The following MAGEB10 variants were observed in gnomAD, a reference collection of about 807,000 sequenced individuals.
The protein encoded by MAGEB10 is melanoma-associated antigen B10.
For missense variants in MAGEB10, 190 were observed against 261.9 expected, an observed-to-expected ratio of 0.73 and a Z score of 1.89; for synonymous variants, 99 against 101.0, an observed-to-expected ratio of 0.98 and a Z score of 0.12.
At chrX:27,812,810 T>C (rs144586925) in intron 1 of MAGEB10, 23 of 331,830 alleles carry the variant, frequency 6.9e-5, no homozygotes, top group African/African-American at 5.5e-4. Flanking sequence ...ATGAAGAGGC[T>C]TTGAAAGATG....
chrX:27,815,602 G>A (rs1403128371), intron 1 of MAGEB10, among the ~76,000 whole-genome samples: 1 of 112,197 alleles, frequency 8.9e-6, no homozygotes, highest in East Asian at 2.8e-4. Flanking sequence ...TAAGTGAATG[G>A]TGAAAATATC....
chrX:27,814,225 C>G (rs1037237735), intron 1 of MAGEB10, among the ~76,000 whole-genome samples: 1 of 111,236 alleles, frequency 9.0e-6, no homozygotes, highest in African/African-American at 3.3e-5. Flanking sequence ...CCAACAGGAC[C>G]CGGTGTGTGT....
rs977890366 is a variant in MAGEB10, at chrX:27,822,737, C to T, written c.*387C>T. 2 of 148,287 alleles carry T rather than the reference C, an allele frequency of 1.3e-5. No individual in the cohort carries two copies. Among genetic ancestry groups the T allele is most frequent in the East Asian group, 4.1e-4 (2 of 4,917 alleles). The allele number at this position is 148,287 out of a possible 1,213,427, so 12.2% of individuals were successfully genotyped here. ...GATCAAGAAATAGAGCAAAGAGGGT[C>T]GGGTGCGGTGGCTCACACCTGTAAT... On this transcript the variant is annotated 3_prime_UTR_variant, in exon 3 of 3. Transcript: ENST00000356790.
At chrX:27,811,672 G>C (rs1299878056) in intron 1 of MAGEB10, among the ~76,000 whole-genome samples, 1 of 112,410 alleles carries the variant, frequency 8.9e-6, no homozygotes, top group Non-Finnish European at 1.9e-5. Flanking sequence ...GTACAGTCTA[G>C]TTACTTCCAC....
intron 1 of MAGEB10, among the ~76,000 whole-genome samples, chrX:27,810,229 C>G: frequency 8.9e-6 from 1 of 111,831 alleles, no homozygotes; most frequent in East Asian, 2.8e-4. Context: ...TCCACACTGC[C>G]TTTATGAGCT....
chrX:27,822,113 A>C lies in MAGEB10; in HGVS notation c.807A>C (p.Pro269=). ...EYQQVPNSDP[P]RYQFLWGPRA... ...AGCAAGTGCCCAACAGTGATCCTCC[A>C]CGCTATCAATTCCTATGGGGCCCAA... The change falls in exon 3 of 3, where the codon CCA becomes CCC. Residue 269 remains proline (P), a synonymous_variant. Coordinates refer to ENST00000356790, the MANE Select transcript of MAGEB10 (RefSeq NM_182506.3). 1 of 1,212,198 alleles carries C rather than the reference A, an allele frequency of 8.2e-7. No homozygotes were observed. Among genetic ancestry groups the C allele is most frequent in the Non-Finnish European group, 1.1e-6 (1 of 895,620 alleles).
intron 2 of MAGEB10, among the ~76,000 whole-genome samples, chrX:27,819,238 A>G (rs1164438460): frequency 1.8e-5 from 2 of 110,179 alleles, no homozygotes; most frequent in African/African-American, 6.6e-5. Context: ...CCCCAGAGTC[A>G]ATGAAAGACC....
rs747684284 is a variant in MAGEB10 at position 27,822,394 on chromosome X, A to G, written c.*44A>G. 1.8e-6 allele frequency: 2 copies of G among 1,127,224 alleles called. No homozygotes were observed. The highest frequency in any genetic ancestry group is 2.4e-6 in the Non-Finnish European group (2 of 839,094). 92.9% of individuals were successfully genotyped at this position (1,127,224 alleles called of 1,213,427 possible). A position where few individuals can be genotyped will look rare whatever the true frequency, so the allele number is the denominator to read the frequency against. ...CATTTGTGTTTGAAAAGAAATGCAC[A>G]TTCTGAGCTGTGGGAGGTCAGGGTG... On this transcript the variant is annotated 3_prime_UTR_variant, in exon 3 of 3. Transcript: ENST00000356790.
chrX:27,814,068 A>G (rs966499090), intron 1 of MAGEB10, among the ~76,000 whole-genome samples: 8 of 111,310 alleles, frequency 7.2e-5, no homozygotes, highest in African/African-American at 2.6e-4. Context: ...CCACTTAATT[A>G]AAAGGGCTTT....
chrX:27,822,553 C>G lies in MAGEB10; in HGVS notation c.*203C>G. The stretch of plus-strand genomic sequence containing the variant: ...ATCTAAGTTTATGAATGACATTGCT[C>G]AAATTTTTCTGTATGTGAGATTAAG... On this transcript the variant is annotated 3_prime_UTR_variant, in exon 3 of 3. Transcript: ENST00000356790. 4.9e-6 allele frequency: 2 copies of G among 408,967 alleles called. No homozygotes were observed. The highest frequency in any genetic ancestry group is 8.5e-6 in the Non-Finnish European group (2 of 235,900). 33.7% of individuals were successfully genotyped at this position (408,967 alleles called of 1,213,427 possible). A position where few individuals can be genotyped will look rare whatever the true frequency, so the allele number is the denominator to read the frequency against.
chrX:27,810,425 C>A (rs139894242), intron 1 of MAGEB10, among the ~76,000 whole-genome samples: 3,214 of 111,686 alleles, frequency 0.029, 34 homozygotes, highest in South Asian at 0.083. Context: ...CCACCAATTC[C>A]GGACACACTA....
chrX:27,816,871 A>G (rs1923791996), intron 1 of MAGEB10, among the ~76,000 whole-genome samples: 1 of 111,496 alleles, frequency 9.0e-6, no homozygotes, highest in Non-Finnish European at 1.9e-5. Flanking sequence ...AATTGGACAG[A>G]CTGCAAGTGC....
At position 27,809,108 on chromosome X, in the gene MAGEB10, C is replaced by T. The variant is rs1007908001; in HGVS notation, c.-199+1072C>T. On this transcript the variant is annotated intron_variant, in intron 1 of 2. Coordinates refer to ENST00000356790, the MANE Select transcript of MAGEB10 (RefSeq NM_182506.3). Reference sequence around the variant, plus strand: ...TTTCTGGGCTGGCCAAGGCCGGAGCCGGCTCTCTCAGCTTGCAGGGAGGTG... The same window carrying T: ...TTTCTGGGCTGGCCAAGGCCGGAGCTGGCTCTCTCAGCTTGCAGGGAGGTG... Among the ~76,000 whole-genome samples the T allele has an allele frequency of 1.5e-4, 17 of 111,989 alleles. No homozygotes were observed. The East Asian group carries it at 1.7e-3, about 11-fold the overall frequency.
Position 27,821,447 on chromosome X carries a change from G to A in MAGEB10, c.141G>A (p.Lys47=), listed in dbSNP as rs1323521045. 8.3e-7 allele frequency: 1 copy of A among 1,211,578 alleles called. No homozygotes were observed. Among genetic ancestry groups the A allele is most frequent in the East Asian group, 3.0e-5 (1 of 33,807 alleles). The change falls in exon 3 of 3, where the codon AAG becomes AAA. Residue 47 remains lysine, a synonymous_variant. Coordinates refer to ENST00000356790, the MANE Select transcript of MAGEB10 (RefSeq NM_182506.3). ...CCCCCTCTGCCTCTGCTTGTTTGAAGGATGTTTTCCAGAGTTCACTTGATG... is the reference window on the plus strand; with the variant it reads ...CCCCCTCTGCCTCTGCTTGTTTGAAAGATGTTTTCCAGAGTTCACTTGATG... ...ESPPSASACL[K]DVFQSSLDGA...
At chrX:27,814,398 G>A (rs993227762) in intron 1 of MAGEB10, among the ~76,000 whole-genome samples, 5 of 111,497 alleles carry the variant, frequency 4.5e-5, no homozygotes, top group African/African-American at 1.6e-4. Context: ...ATAAATTATA[G>A]GAGTCTTGAA....
At chrX:27,811,172 TA>T (rs1438730318) in intron 1 of MAGEB10, among the ~76,000 whole-genome samples, 1 of 110,136 alleles carries the variant, frequency 9.1e-6, no homozygotes, top group Non-Finnish European at 1.9e-5. Flanking sequence ...TCTTTCCTGA[TA>T]GGGGTCCCTG....
At chrX:27,814,959 T>C (rs1923754811) in intron 1 of MAGEB10, among the ~76,000 whole-genome samples, 1 of 112,098 alleles carries the variant, frequency 8.9e-6, no homozygotes, top group Non-Finnish European at 1.9e-5. Context: ...ATGTAATAAA[T>C]AATGGAGAAA....
At position 27,822,082 on chromosome X, in the gene MAGEB10, A is replaced by G; in HGVS notation, c.776A>G (p.Glu259Gly). 1 of 1,212,114 alleles carries G rather than the reference A, an allele frequency of 8.3e-7. No individual in the cohort carries two copies. The highest frequency in any genetic ancestry group is 1.7e-5 in the African/African-American group (1 of 57,874). ...TKDLVKENYL[E>G]YQQVPNSDPP... Reference sequence around the variant, plus strand: ...GATTTGGTGAAAGAAAATTACCTGGAGTACCAGCAAGTGCCCAACAGTGAT... The same window carrying G: ...GATTTGGTGAAAGAAAATTACCTGGGGTACCAGCAAGTGCCCAACAGTGAT... Residue 259 changes from glutamate to glycine, a missense_variant, in exon 3 of 3, where the codon GAG (glutamate) becomes GGG (glycine). Physicochemically the swap from Glu to Gly is moderately conservative, Grantham distance 98. Coordinates refer to ENST00000356790, the MANE Select transcript of MAGEB10 (RefSeq NM_182506.3).
chrX:27,812,929 T>G (rs1923719201), intron 1 of MAGEB10: 1 of 181,992 alleles, frequency 5.5e-6, no homozygotes, highest in South Asian at 9.9e-5. Context: ...AAGTGAAGGC[T>G]GAGGAAAATG....
Sources: gnomAD v4.1 joint callset for allele counts (sites outside exome capture counted in the v4.1 genomes callset) on GRCh38, gnomAD v4.1.1 for gene constraint, MANE v1.5 for transcripts, NCBI Gene and HGNC (gene_info 2026-07-23, HGNC 2026-07-21) for gene names.